RAD51B: variants seen among roughly 807,000 people sequenced by gnomAD.
RAD51B encodes the protein DNA repair protein RAD51 homolog 2.
Under a neutral mutation model 42.2 loss-of-function variants are expected in RAD51B, and 38 were observed. That is an observed-to-expected ratio of 0.90 (90% confidence interval 0.70 to 1.18). The LOEUF is 1.18. Among genes scored for constraint, RAD51B ranks in the 50% most tolerant of loss-of-function variants. The probability of loss-of-function intolerance (pLI) is 0.00; values close to 1 mark genes in which losing one functional copy is unlikely to be tolerated. For missense variants in RAD51B, 373 were observed against 400.7 expected, an observed-to-expected ratio of 0.93 and a Z score of 0.59; for synonymous variants, 154 against 145.2, an observed-to-expected ratio of 1.06 and a Z score of -0.43.
At chr14:68,664,381 C>G (rs377048052) in intron 11 of RAD51B, among the ~76,000 whole-genome samples, 1 of 152,242 alleles carries the variant, frequency 6.6e-6, no homozygotes. Context: ...CATCCACCCC[C>G]GCCCACAATG....
Position 68,153,414 on chromosome 14 carries a change from A to G in RAD51B, c.757-138470A>G, listed in dbSNP as rs151063586. On this transcript the variant is annotated intron_variant, in intron 7 of 10. Transcript: ENST00000471583. ...TTTTAGCTCTTTGAGGAATTTTCACACTGCTTTCCACAATGGTTGAACTAA... is the reference window on the plus strand; with the variant it reads ...TTTTAGCTCTTTGAGGAATTTTCACGCTGCTTTCCACAATGGTTGAACTAA... 6.4e-3 allele frequency among the ~76,000 whole-genome samples: 969 copies of G among 152,324 alleles called. 10 individuals are homozygous for G. The highest frequency in any genetic ancestry group is 0.022 in the African/African-American group (903 of 41,582).
intron 7 of RAD51B, among the ~76,000 whole-genome samples, chr14:68,158,621 A>G (rs939319963): frequency 5.3e-5 from 8 of 152,188 alleles, no homozygotes; most frequent in Non-Finnish European, 1.0e-4. Flanking sequence ...TTGATAGAGG[A>G]TAAGTCCATT....
At chr14:68,184,058 A>G (rs2079106531) in intron 7 of RAD51B, among the ~76,000 whole-genome samples, 1 of 143,694 alleles carries the variant, frequency 7.0e-6, no homozygotes, top group African/African-American at 2.6e-5. Context: ...ACGCCACTGC[A>G]CTCCAGCCTG....
chr14:68,564,052 G>A (rs1889295014), intron 10 of RAD51B: 3 of 498,508 alleles, frequency 6.0e-6, no homozygotes, highest in Admixed American at 6.4e-5. Context: ...GGCCTGCATG[G>A]GCTGGGGGAG....
chr14:68,606,230 A>G (rs945075222), intron 10 of RAD51B, among the ~76,000 whole-genome samples: 2 of 152,202 alleles, frequency 1.3e-5, no homozygotes, highest in Admixed American at 6.5e-5. Context: ...CACCAGGAAT[A>G]TGAGCAGCTC....
At chr14:68,107,063 A>G (rs1052042300) in intron 7 of RAD51B, among the ~76,000 whole-genome samples, 4 of 151,978 alleles carry the variant, frequency 2.6e-5, no homozygotes, top group Admixed American at 2.0e-4. Flanking sequence ...TCCTGCCTCA[A>G]GATAGATCAG....
At chr14:68,570,329 C>G (rs986046215) in intron 10 of RAD51B, among the ~76,000 whole-genome samples, 3 of 152,194 alleles carry the variant, frequency 2.0e-5, no homozygotes, top group African/African-American at 7.2e-5. Flanking sequence ...TTATGACTCT[C>G]TCCCCGGGGT....
At chr14:68,639,311 G>C (rs1043673328) in intron 10 of RAD51B, among the ~76,000 whole-genome samples, 8 of 152,206 alleles carry the variant, frequency 5.3e-5, no homozygotes, top group African/African-American at 1.2e-4. Context: ...GGGCTCTGCT[G>C]TCTTCAACAT....
At chr14:68,604,831 G>GGGTGGTCAGCGAGTGAGTA (rs1566952413) in intron 10 of RAD51B, among the ~76,000 whole-genome samples, 1 of 114,484 alleles carries the variant, frequency 8.7e-6, no homozygotes, top group Non-Finnish European at 2.1e-5. Flanking sequence ...CTCCCTGAGT[G>GGGTGGTCAGCGAGTGAGTA]AGTGAATGAA....
intron 7 of RAD51B, among the ~76,000 whole-genome samples, chr14:68,116,261 A>G (rs1281965365): frequency 1.3e-5 from 2 of 151,582 alleles, no homozygotes; most frequent in African/African-American, 4.8e-5. Flanking sequence ...GACTAACAGT[A>G]AGACCAACAT....
chr14:67,905,388 G>T (rs2043749789), intron 7 of RAD51B, among the ~76,000 whole-genome samples: 1 of 151,972 alleles, frequency 6.6e-6, no homozygotes, highest in East Asian at 1.9e-4. Flanking sequence ...TTTTGCTTAG[G>T]ATTGCTTTGG....
intron 10 of RAD51B, among the ~76,000 whole-genome samples, chr14:68,601,540 T>C (rs1891218593): frequency 6.6e-6 from 1 of 152,192 alleles, no homozygotes; most frequent in South Asian, 2.1e-4. Context: ...GATTAAAGGA[T>C]ATCAGTTTGC....
At chr14:68,379,461 C>T (rs943258319) in intron 8 of RAD51B, among the ~76,000 whole-genome samples, 2 of 152,174 alleles carry the variant, frequency 1.3e-5, no homozygotes, top group Non-Finnish European at 2.9e-5. Flanking sequence ...CTTCATCCAT[C>T]TTCCTGTCTA....
chr14:68,196,688 A>T (rs1403648186), intron 7 of RAD51B, among the ~76,000 whole-genome samples: 1 of 152,094 alleles, frequency 6.6e-6, no homozygotes, highest in Admixed American at 6.5e-5. Flanking sequence ...TTTATTTAAT[A>T]TTAGTGGCCC....
intron 7 of RAD51B, among the ~76,000 whole-genome samples, chr14:68,053,357 G>T (rs1048606585): frequency 2.0e-5 from 3 of 152,126 alleles, no homozygotes; most frequent in Non-Finnish European, 4.4e-5. Context: ...GACATAAGTT[G>T]TCCAGGTGTC....
rs3075406 is a variant in RAD51B, at chr14:68,354,216, GTT to G, written c.854-57190_854-57189del. Reference sequence around the variant, plus strand: ...ATGTTTTTTGGTTTTTGGTTTTTTGGTTTTTTTTTTTTTTTTTTTGAGATGGA... The same window carrying G: ...ATGTTTTTTGGTTTTTGGTTTTTTGGTTTTTTTTTTTTTTTTTGAGATGGA... On this transcript the variant is annotated intron_variant, in intron 8 of 10. Coordinates refer to ENST00000471583, the MANE Select transcript of RAD51B (RefSeq NM_133510.4). 4.3e-3 allele frequency among the ~76,000 whole-genome samples: 480 copies of G among 110,464 alleles called. 8 individuals carry two copies. The highest frequency in any genetic ancestry group is 0.036 in the Admixed American group (357 of 9,978). The allele number at this position is 110,464 out of a possible 152,430, so 72.5% of individuals were successfully genotyped here.
At chr14:67,927,785 A>ATATATACACAC (rs1332025885) in intron 7 of RAD51B, among the ~76,000 whole-genome samples, 3 of 148,884 alleles carry the variant, frequency 2.0e-5, no homozygotes, top group African/African-American at 7.7e-5. Flanking sequence ...ACACATATAT[A>ATATATACACAC]ATGTGTGTGT....
At chr14:67,990,210 A>G (rs1342372051) in intron 7 of RAD51B, among the ~76,000 whole-genome samples, 1 of 151,802 alleles carries the variant, frequency 6.6e-6, no homozygotes, top group Admixed American at 6.6e-5. Flanking sequence ...GTTGGCCAGG[A>G]TGGTCTTGAT....
chr14:68,312,561 GA>G (rs199721851), intron 8 of RAD51B, among the ~76,000 whole-genome samples: 1 of 150,300 alleles, frequency 6.7e-6, no homozygotes, highest in Non-Finnish European at 1.5e-5. Flanking sequence ...GACTTTCAAG[GA>G]AAAAAAAATA....
Sources: gnomAD v4.1 joint callset for allele counts (sites outside exome capture counted in the v4.1 genomes callset) on GRCh38, gnomAD v4.1.1 for gene constraint, MANE v1.5 for transcripts, NCBI Gene and HGNC (gene_info 2026-07-23, HGNC 2026-07-21) for gene names.